The following CHMP7 variants were observed in gnomAD, a reference collection of about 807,000 sequenced individuals.
CHMP7 encodes CHMP family, member 7.
In CHMP7, 15 loss-of-function variants were observed where a neutral mutation model predicts 53.7. That is an observed-to-expected ratio of 0.28 (90% CI 0.19 to 0.43). The LOEUF (loss-of-function observed/expected upper bound fraction) is 0.43. CHMP7 is among the 20% of genes least tolerant of loss of function. The pLI, the probability that CHMP7 is intolerant of heterozygous loss-of-function variation, is 1.00. For missense variants in CHMP7, 527 were observed against 569.4 expected, an observed-to-expected ratio of 0.93 and a Z score of 0.76; for synonymous variants, 261 against 228.0, an observed-to-expected ratio of 1.14 and a Z score of -1.30.
At chr8:23,258,165 G>T in intron 6 of CHMP7, 84 bp downstream of exon 6, 1 of 1,432,834 alleles carries the variant, frequency 7.0e-7, no homozygotes, top group Non-Finnish European at 9.8e-7. Context: ...GCAGCTTGCT[G>T]GGGTTTTGAG....
Position 23,258,397 on chromosome 8 carries a change from A to C in CHMP7, c.908A>C (p.Asp303Ala). 6.2e-7 allele frequency: 1 copy of C among 1,614,126 alleles called. No individual in the cohort carries two copies. Among genetic ancestry groups the C allele is most frequent in the Non-Finnish European group, 8.5e-7 (1 of 1,180,022 alleles). The change falls in exon 7 of 11, where the codon GAC (aspartate) becomes GCC (alanine). Residue 303 changes from aspartate (D) to alanine (A), a missense_variant. By Grantham distance (126) the Asp-to-Ala change is moderately radical. Coordinates refer to ENST00000397677, the MANE Select transcript of CHMP7 (RefSeq NM_152272.5). The stretch of plus-strand genomic sequence containing the variant: ...ATCGAGGCCTTGCATGCCAAGCTGG[A>C]CACTGTTCAAGGCATCCTGGACCGG... ...KRIEALHAKL[D>A]TVQGILDRIY...
Position 23,251,151 on chromosome 8 carries a change from A to G in CHMP7, c.471+1770A>G, listed in dbSNP as rs184977646. The stretch of plus-strand genomic sequence containing the variant: ...CCTGGGGCAGAGGAGAGGTAAACCC[A>G]TGGATCCCCACAGATGAGGTTTGTA... On this transcript the variant is annotated intron_variant, in intron 3 of 10. Coordinates refer to ENST00000397677, the MANE Select transcript of CHMP7 (RefSeq NM_152272.5). Among the ~76,000 whole-genome samples, 21 of 152,310 alleles carry G rather than the reference A, an allele frequency of 1.4e-4. No homozygotes were observed. In the East Asian group the frequency reaches 3.9e-3, roughly 28 times the overall value.
In CHMP7 at chr8:23,255,233, T is replaced by C. The variant is rs773796205; in HGVS notation, c.472-14T>C. ...GTGGCCAGGGCCTGTCAGCCAATGT[T>C]GCCTTTCCCACAGGAAAAGGCTGAG... On this transcript the variant is annotated splice_polypyrimidine_tract_variant and intron_variant, in intron 3 of 10. Coordinates refer to ENST00000397677, the MANE Select transcript of CHMP7 (RefSeq NM_152272.5). The C allele has an allele frequency of 5.6e-6, 9 of 1,613,854 alleles. No individual in the cohort carries two copies. The highest frequency in any genetic ancestry group is 7.6e-6 in the Non-Finnish European group (9 of 1,179,970).
At chr8:23,247,940 C>G in intron 2 of CHMP7, 1 of 345,528 alleles carries the variant, frequency 2.9e-6, no homozygotes, top group South Asian at 2.1e-5. Flanking sequence ...TTTTAGTTTG[C>G]TGCTCTTTCT....
At chr8:23,249,078 C>A in intron 2 of CHMP7, 132 bp from the exon 3 acceptor site, 1 of 648,638 alleles carries the variant, frequency 1.5e-6, no homozygotes, top group Non-Finnish European at 2.5e-6. Flanking sequence ...GTCGTTGGCA[C>A]AGCGTAGGTG....
Position 23,246,626 on chromosome 8 carries a change from G to C in CHMP7, c.-70G>C. 7.5e-7 allele frequency: 1 copy of C among 1,340,310 alleles called. No individual in the cohort carries two copies. Among genetic ancestry groups the C allele is most frequent in the Non-Finnish European group, 1.0e-6 (1 of 984,434 alleles). 83.0% of individuals were successfully genotyped at this position (1,340,310 alleles called of 1,614,324 possible). On this transcript the variant is annotated 5_prime_UTR_variant, in exon 2 of 11. Coordinates refer to ENST00000397677, the MANE Select transcript of CHMP7 (RefSeq NM_152272.5). Reference sequence around the variant, plus strand: ...GGAGGTGGTCAAGGAACGGAAGCCGGGAGGGAACGAGGGCGGAAGCGGACC... The same window carrying C: ...GGAGGTGGTCAAGGAACGGAAGCCGCGAGGGAACGAGGGCGGAAGCGGACC...
At chr8:23,255,529 C>T (rs1434891581) in intron 4 of CHMP7, 97 bp downstream of exon 4, 3 of 1,103,070 alleles carry the variant, frequency 2.7e-6, no homozygotes, top group Admixed American at 3.8e-5. Context: ...TCCAGAGTTT[C>T]AGTAACCTGC....
At chr8:23,247,043 C>G (rs1563400643) in intron 2 of CHMP7, 49 bp downstream of exon 2, 2 of 1,451,632 alleles carry the variant, frequency 1.4e-6, no homozygotes, top group African/African-American at 1.4e-5. Context: ...GGGGGCAGCT[C>G]TCGGAGGGCC....
chr8:23,251,256 C>T (rs1801919899), intron 3 of CHMP7, among the ~76,000 whole-genome samples: 1 of 152,020 alleles, frequency 6.6e-6, no homozygotes, highest in Non-Finnish European at 1.5e-5. Flanking sequence ...TAACTTTTTA[C>T]TTTTGGATGG....
intron 4 of CHMP7, 36 bp downstream of exon 4, chr8:23,255,468 A>G: frequency 6.3e-7 from 1 of 1,599,366 alleles, no homozygotes; most frequent in Non-Finnish European, 8.6e-7. Flanking sequence ...CTGACTCAGC[A>G]GTGATTGATT....
In CHMP7 at chr8:23,246,433, T is replaced by G; in HGVS notation, c.-263T>G. On this transcript the variant is annotated 5_prime_UTR_variant, in exon 2 of 11. Transcript: ENST00000397677. ...TGCCGCGCAGGCGCAAGCCTTTCTT[T>G]CGGCACAAAGACCGTGGGAGGAGGG... 2.0e-6 allele frequency: 1 copy of G among 508,536 alleles called. No homozygotes were observed. Among genetic ancestry groups the G allele is most frequent in the Non-Finnish European group, 3.5e-6 (1 of 286,338 alleles). The allele number at this position is 508,536 out of a possible 1,614,324, so 31.5% of individuals were successfully genotyped here.
At chr8:23,254,401 T>C (rs1469243151) in intron 3 of CHMP7, among the ~76,000 whole-genome samples, 1 of 152,182 alleles carries the variant, frequency 6.6e-6, no homozygotes, top group African/African-American at 2.4e-5. Context: ...TTGTTTTGTT[T>C]TGTTCTGTTT....
chr8:23,245,050 G>A (rs899394142), intron 1 of CHMP7, among the ~76,000 whole-genome samples: 3 of 152,076 alleles, frequency 2.0e-5, no homozygotes, highest in African/African-American at 7.2e-5. Context: ...ATAATTTTCT[G>A]CATGGATAAT....
intron 4 of CHMP7, among the ~76,000 whole-genome samples, chr8:23,256,056 G>C (rs1277117645): frequency 6.6e-6 from 1 of 152,056 alleles, no homozygotes; most frequent in Non-Finnish European, 1.5e-5. Flanking sequence ...CACCGTGCCT[G>C]GCCTATTATA....
rs781321305 is a variant in CHMP7 at position 23,258,847 on chromosome 8, G to A, written c.1059+17G>A. ...ATCCAAGAGGTACAGAAAGGGGCCAGGGAGGGACACACAGAGAAGGAGGTG... is the reference window on the plus strand; with the variant it reads ...ATCCAAGAGGTACAGAAAGGGGCCAAGGAGGGACACACAGAGAAGGAGGTG... On this transcript the variant is annotated intron_variant, in intron 8 of 10. Coordinates refer to ENST00000397677, the MANE Select transcript of CHMP7 (RefSeq NM_152272.5). 28 of 1,531,676 alleles carry A rather than the reference G, an allele frequency of 1.8e-5. No individual in the cohort carries two copies. Among genetic ancestry groups the A allele is most frequent in the Non-Finnish European group, 2.5e-5 (28 of 1,106,070 alleles). 94.9% of individuals were successfully genotyped at this position (1,531,676 alleles called of 1,614,324 possible).
At position 23,260,981 on chromosome 8, in the gene CHMP7, T is replaced by C; in HGVS notation, c.*382T>C. On this transcript the variant is annotated 3_prime_UTR_variant, in exon 11 of 11. Coordinates refer to ENST00000397677, the MANE Select transcript of CHMP7 (RefSeq NM_152272.5). Reference sequence around the variant, plus strand: ...TTGCCAAATCTGAATCAGTTCCCACTCCCCCCTGCGGTTTTTTAGAGGGGT... The same window carrying C: ...TTGCCAAATCTGAATCAGTTCCCACCCCCCCCTGCGGTTTTTTAGAGGGGT... 1 of 256,760 alleles carries C rather than the reference T, an allele frequency of 3.9e-6. No individual in the cohort carries two copies. Among genetic ancestry groups the C allele is most frequent in the Non-Finnish European group, 7.5e-6 (1 of 132,530 alleles). 15.9% of individuals were successfully genotyped at this position (256,760 alleles called of 1,614,324 possible).
intron 1 of CHMP7, 170 bp from the exon 2 acceptor site, chr8:23,246,086 T>G (rs1178494619): frequency 6.6e-6 from 1 of 152,292 alleles, no homozygotes; most frequent in African/African-American, 2.4e-5. Context: ...CTTTTGAGTT[T>G]GTTTTCAATT....
At chr8:23,257,705 T>C (rs73558358) in intron 5 of CHMP7, among the ~76,000 whole-genome samples, 2,579 of 152,342 alleles carry the variant, frequency 0.017, 61 homozygotes, top group African/African-American at 0.059. Flanking sequence ...AGGCAGAGGA[T>C]ATGTCCGAGG....
rs150923219 is a variant in CHMP7, at chr8:23,250,176, CCTGTGTCCT to C, written c.471+798_471+806del. On this transcript the variant is annotated intron_variant, in intron 3 of 10. Transcript: ENST00000397677. ...CTGTCCCCTCACACGCTCATTCCATCCTGTGTCCTCTTTGCTCTCTGCGGGCACTTCACT... is the reference window on the plus strand; with the variant it reads ...CTGTCCCCTCACACGCTCATTCCATCCTTTGCTCTCTGCGGGCACTTCACT... Among the ~76,000 whole-genome samples the C allele has an allele frequency of 6.3e-3, 965 of 152,318 alleles. 13 individuals carry two copies. Among genetic ancestry groups the C allele is most frequent in the African/African-American group, 0.022 (924 of 41,566 alleles).
Sources: allele counts gnomAD v4.1 joint callset (sites outside exome capture counted in the v4.1 genomes callset), GRCh38; gene constraint gnomAD v4.1.1; transcripts MANE v1.5; gene names NCBI Gene and HGNC (gene_info 2026-07-23, HGNC 2026-07-21).